The following ZFPM2 variants were observed in gnomAD, a reference collection of about 807,000 sequenced individuals.
ZFPM2 encodes the protein zinc finger protein ZFPM2.
A neutral mutation model predicts 98.6 loss-of-function variants in ZFPM2; 20 were observed. That is an observed-to-expected ratio of 0.20 (90% CI 0.14 to 0.29). ZFPM2 has a LOEUF of 0.29. ZFPM2 is among the 10% of genes least tolerant of loss of function. The pLI is 1.00. For missense variants in ZFPM2, 1,310 were observed against 1,388.6 expected, an observed-to-expected ratio of 0.94 and a Z score of 0.90; for synonymous variants, 518 against 502.7, an observed-to-expected ratio of 1.03 and a Z score of -0.41.
intron 5 of ZFPM2, among the ~76,000 whole-genome samples, chr8:105,688,749 T>G (rs1277963808): frequency 6.6e-6 from 1 of 152,144 alleles, no homozygotes; most frequent in African/African-American, 2.4e-5. Flanking sequence ...AGACATTATT[T>G]TCAAGGCTCA....
At chr8:105,790,427 C>G (rs1813570176) in intron 6 of ZFPM2, among the ~76,000 whole-genome samples, 1 of 152,172 alleles carries the variant, frequency 6.6e-6, no homozygotes, top group Non-Finnish European at 1.5e-5. Context: ...TCTGAGGGCT[C>G]TGTTCTGTTC....
At chr8:105,667,926 A>G (rs1817520159) in intron 5 of ZFPM2, among the ~76,000 whole-genome samples, 1 of 152,192 alleles carries the variant, frequency 6.6e-6, no homozygotes, top group Admixed American at 6.5e-5. Flanking sequence ...TGATATTGCT[A>G]GATAAAACCA....
At chr8:105,446,407 C>G (rs963730589) in intron 3 of ZFPM2, among the ~76,000 whole-genome samples, 1 of 152,014 alleles carries the variant, frequency 6.6e-6, no homozygotes, top group Non-Finnish European at 1.5e-5. Flanking sequence ...CATAGCTTTT[C>G]CAGTGACTTG....
chr8:105,442,365 C>A (rs1812271378), intron 2 of ZFPM2, among the ~76,000 whole-genome samples: 1 of 151,862 alleles, frequency 6.6e-6, no homozygotes. Context: ...AAAACAAAAA[C>A]AAAAAAACAA....
At chr8:105,728,949 C>A (rs1433977203) in intron 5 of ZFPM2, among the ~76,000 whole-genome samples, 1 of 151,628 alleles carries the variant, frequency 6.6e-6, no homozygotes, top group East Asian at 2.0e-4. Flanking sequence ...ACTGTGAAAT[C>A]TGTGTTGGAT....
chr8:105,675,930 A>G (rs1810446105), intron 5 of ZFPM2: 1 of 152,192 alleles, frequency 6.6e-6, no homozygotes, highest in Non-Finnish European at 1.5e-5. Context: ...TTTCAAAGTC[A>G]CACAGTTAGC....
rs150984667 is a variant in ZFPM2, at chr8:105,582,543, T to C, written c.420+21062T>C. On this transcript the variant is annotated intron_variant, in intron 4 of 7. Transcript: ENST00000407775. ...TAGTGCCAATGTGGAGAAACCGTGATATATATACTGAGAATGTAACAAAAT... is the reference window on the plus strand; with the variant it reads ...TAGTGCCAATGTGGAGAAACCGTGACATATATACTGAGAATGTAACAAAAT... 2.6e-3 allele frequency among the ~76,000 whole-genome samples: 400 copies of C among 152,286 alleles called. 2 individuals are homozygous for C. The highest frequency in any genetic ancestry group is 8.9e-3 in the African/African-American group (371 of 41,568).
intron 6 of ZFPM2, chr8:105,789,136 C>G (rs1321364802): frequency 2.2e-6 from 1 of 456,812 alleles, no homozygotes; most frequent in East Asian, 3.6e-5. Context: ...GCACAATGTG[C>G]AGGTTAGTTA....
At chr8:105,434,192 A>T (rs558882981) in intron 2 of ZFPM2, among the ~76,000 whole-genome samples, 191 of 146,054 alleles carry the variant, frequency 1.3e-3, no homozygotes, top group African/African-American at 4.2e-3. Flanking sequence ...GAAATTCTTA[A>T]TTTTTTTTTT....
At chr8:105,728,373 C>T (rs1167669557) in intron 5 of ZFPM2, among the ~76,000 whole-genome samples, 1 of 151,702 alleles carries the variant, frequency 6.6e-6, no homozygotes, top group Non-Finnish European at 1.5e-5. Flanking sequence ...ATGTACTTGT[C>T]GAAAGTTAGC....
At chr8:105,651,648 C>G (rs1412780483) in intron 5 of ZFPM2, among the ~76,000 whole-genome samples, 1 of 152,060 alleles carries the variant, frequency 6.6e-6, no homozygotes, top group Admixed American at 6.6e-5. Flanking sequence ...GAAGAAAGAT[C>G]CAGCCCAGGG....
intron 5 of ZFPM2, among the ~76,000 whole-genome samples, chr8:105,764,317 C>CAA (rs1398331284): frequency 6.6e-6 from 1 of 150,826 alleles, no homozygotes; most frequent in Non-Finnish European, 1.5e-5. Context: ...CACACACACA[C>CAA]ACACACACAT....
intron 5 of ZFPM2, chr8:105,678,814 A>G (rs1810533919): frequency 6.6e-6 from 1 of 152,230 alleles, no homozygotes; most frequent in African/African-American, 2.4e-5. Flanking sequence ...ACAGCAGAGT[A>G]TGCTATGTCA....
rs571796935 is a variant in ZFPM2 at position 105,331,190 on chromosome 8, T to C, written c.40+12209T>C. Among the ~76,000 whole-genome samples the C allele has an allele frequency of 2.2e-4, 29 of 128,918 alleles. No individual in the cohort carries two copies. The South Asian group carries it at 3.4e-3, about 15-fold the overall frequency. The allele number at this position is 128,918 out of a possible 152,430, so 84.6% of individuals were successfully genotyped here. A position where few individuals can be genotyped will look rare whatever the true frequency, so the allele number is the denominator to read the frequency against. ...TTATACACACACACACACACACACA[T>C]ATATATACACCCAGTTATATAATAA... On this transcript the variant is annotated intron_variant, in intron 1 of 7. Coordinates refer to ENST00000407775, the MANE Select transcript of ZFPM2 (RefSeq NM_012082.4).
intron 5 of ZFPM2, among the ~76,000 whole-genome samples, chr8:105,778,489 CGTGT>C (rs10650495): frequency 3.4e-5 from 5 of 148,104 alleles, no homozygotes; most frequent in Non-Finnish European, 7.5e-5. Context: ...TGAGTGCATG[CGTGT>C]GTGTGTGTGT....
intron 3 of ZFPM2, among the ~76,000 whole-genome samples, chr8:105,494,576 T>G (rs1236699755): frequency 6.6e-6 from 1 of 152,094 alleles, no homozygotes; most frequent in African/African-American, 2.4e-5. Context: ...CTTGACATTT[T>G]CCATTGTCCT....
At chr8:105,539,144 T>C (rs1814523053) in intron 3 of ZFPM2, among the ~76,000 whole-genome samples, 1 of 152,178 alleles carries the variant, frequency 6.6e-6, no homozygotes, top group Admixed American at 6.5e-5. Flanking sequence ...TTCTCCTACC[T>C]CAAAGAGATA....
chr8:105,697,865 A>G (rs1243131720), intron 5 of ZFPM2, among the ~76,000 whole-genome samples: 1 of 152,086 alleles, frequency 6.6e-6, no homozygotes, highest in Non-Finnish European at 1.5e-5. Flanking sequence ...CATATCCCTT[A>G]TATTCTGAGA....
At chr8:105,411,930 T>C (rs1311210700) in intron 1 of ZFPM2, among the ~76,000 whole-genome samples, 1 of 151,896 alleles carries the variant, frequency 6.6e-6, no homozygotes, top group East Asian at 1.9e-4. Context: ...TAATCTACTG[T>C]GTAAGATTAC....
Sources: gnomAD v4.1 joint callset for allele counts (sites outside exome capture counted in the v4.1 genomes callset) on GRCh38, gnomAD v4.1.1 for gene constraint, MANE v1.5 for transcripts, NCBI Gene and HGNC (gene_info 2026-07-23, HGNC 2026-07-21) for gene names.